The following RGPD8 variants were observed in gnomAD, a reference collection of about 807,000 sequenced individuals.
RGPD8 encodes the protein RANBP2-like and GRIP domain-containing protein 8.
RGPD8 carries 15 observed loss-of-function variants against 89.1 expected under a neutral mutation model. The observed-to-expected ratio is 0.17, with a 90% CI of 0.11 to 0.26. The LOEUF is 0.26. RGPD8 is among the 10% of genes least tolerant of loss of function. RGPD8 has a pLI of 1.00. For missense variants in RGPD8, 178 were observed against 1,179.6 expected, an observed-to-expected ratio of 0.15 and a Z score of 12.44; for synonymous variants, 62 against 420.9, an observed-to-expected ratio of 0.15 and a Z score of 10.44.
At chr2:112,426,777 A>G (rs1399223056) in intron 1 of RGPD8, among the ~76,000 whole-genome samples, 4 of 150,974 alleles carry the variant, frequency 2.6e-5, no homozygotes, top group Non-Finnish European at 5.9e-5. Context: ...CAAAAATAAT[A>G]CACAACAGTC....
intron 17 of RGPD8, among the ~76,000 whole-genome samples, chr2:112,396,022 GAA>G (rs1678824124): frequency 7.4e-6 from 1 of 134,584 alleles, no homozygotes; most frequent in Admixed American, 7.7e-5. Context: ...GGTAAATTTT[GAA>G]AAGTTTCAAA....
intron 1 of RGPD8, among the ~76,000 whole-genome samples, chr2:112,426,021 C>G (rs1679754721): frequency 6.6e-6 from 1 of 151,910 alleles, no homozygotes; most frequent in Admixed American, 6.6e-5. Context: ...GGTGTCACAA[C>G]AAAACTAGCA....
chr2:112,432,779 A>T (rs1457343662), intron 1 of RGPD8, among the ~76,000 whole-genome samples: 2 of 152,022 alleles, frequency 1.3e-5, no homozygotes, highest in Admixed American at 1.3e-4. Context: ...AAACCGGGAG[A>T]AAGAGGAAGA....
chr2:112,428,214 G>A (rs1469420173), intron 1 of RGPD8, among the ~76,000 whole-genome samples: 4 of 152,084 alleles, frequency 2.6e-5, no homozygotes, highest in Non-Finnish European at 4.4e-5. Flanking sequence ...ATTAAGTAAA[G>A]ATGTTTTAAA....
intron 21 of RGPD8, among the ~76,000 whole-genome samples, chr2:112,380,162 G>C (rs1378405433): frequency 5.0e-5 from 7 of 140,160 alleles, no homozygotes; most frequent in African/African-American, 1.6e-4. Context: ...CCTGAAAACT[G>C]TTTAGTAGTT....
intron 7 of RGPD8, among the ~76,000 whole-genome samples, chr2:112,409,956 GACAC>G (rs1679100260): frequency 1.1e-5 from 1 of 93,856 alleles, no homozygotes; most frequent in Admixed American, 1.1e-4. Context: ...GACTCTAATA[GACAC>G]ACAGACAGAT....
intron 22 of RGPD8, among the ~76,000 whole-genome samples, chr2:112,370,780 A>T (rs1677943878): frequency 6.9e-6 from 1 of 145,400 alleles, no homozygotes; most frequent in South Asian, 2.2e-4. Context: ...GCTTTAAAAC[A>T]TTGATAAGCA....
At position 112,390,048 on chromosome 2, in the gene RGPD8, C is replaced by T. The variant is rs753243360; in HGVS notation, c.2897G>A (p.Ser966Asn). ...KGRGVIFGQT[S>N]STFTFADVAK... ...AACATCTGCAAATGTAAAAGTGCTA[C>T]TTGTTTGGCCAAAAATCACACCACG... The change falls in exon 20 of 23, where the codon AGT becomes AAT. Residue 966 changes from serine (S) to asparagine (N), a missense_variant. Physicochemically the swap from Ser to Asn is conservative, Grantham distance 46. Transcript: ENST00000302558. 3 of 1,576,600 alleles carry T rather than the reference C, an allele frequency of 1.9e-6. No individual in the cohort carries two copies. Among genetic ancestry groups the T allele is most frequent in the African/African-American group, 2.8e-5 (2 of 71,898 alleles).
intron 22 of RGPD8, among the ~76,000 whole-genome samples, chr2:112,371,926 T>C (rs1677977114): frequency 6.6e-6 from 1 of 150,394 alleles, no homozygotes; most frequent in Admixed American, 6.7e-5. Context: ...TGTCTGGTTT[T>C]ATCTGCGTGT....
At chr2:112,410,721 T>C (rs1374289310) in intron 7 of RGPD8, among the ~76,000 whole-genome samples, 9 of 151,260 alleles carry the variant, frequency 6.0e-5, no homozygotes, top group Admixed American at 5.9e-4. Context: ...CAGGTTGCAG[T>C]GAGCTGAGAT....
intron 1 of RGPD8, among the ~76,000 whole-genome samples, chr2:112,428,695 A>C (rs1210468173): frequency 6.6e-6 from 1 of 152,124 alleles, no homozygotes; most frequent in Non-Finnish European, 1.5e-5. Context: ...TTCCAGGTAG[A>C]CAGACAATCA....
At chr2:112,408,718 G>A (rs1415621298) in intron 7 of RGPD8, among the ~76,000 whole-genome samples, 3 of 151,616 alleles carry the variant, frequency 2.0e-5, no homozygotes, top group Non-Finnish European at 3.0e-5. Flanking sequence ...CGCCAGGCTG[G>A]AGTGCTGCAG....
chr2:112,425,839 T>G (rs1168254080), intron 1 of RGPD8, among the ~76,000 whole-genome samples: 2 of 152,044 alleles, frequency 1.3e-5, no homozygotes, highest in Non-Finnish European at 2.9e-5. Flanking sequence ...AAACATCTTA[T>G]TTTTGAAATT....
At chr2:112,432,470 G>A in intron 1 of RGPD8, 5 of 985,104 alleles carry the variant, frequency 5.1e-6, no homozygotes, top group Non-Finnish European at 6.0e-6. Flanking sequence ...CAAAACAAGG[G>A]GACTTTCCGT....
intron 1 of RGPD8, among the ~76,000 whole-genome samples, chr2:112,429,641 A>G (rs1429288366): frequency 6.6e-6 from 1 of 152,078 alleles, no homozygotes; most frequent in Non-Finnish European, 1.5e-5. Context: ...GATGAGCAAC[A>G]CAGCAAGACC....
chr2:112,399,384 CT>C lies in RGPD8; in HGVS notation c.2056-16del. On this transcript the variant is annotated splice_polypyrimidine_tract_variant and intron_variant, in intron 14 of 22. Transcript: ENST00000302558. ...CTGTGAAAAATCTATACAAATAGTG[CT>C]TTCATGAAATCATTAGCTTTTTAAA... 1.1e-5 allele frequency: 3 copies of C among 263,568 alleles called. No homozygotes were observed. Among genetic ancestry groups the C allele is most frequent in the Middle Eastern group, 8.5e-4 (1 of 1,178 alleles). The allele number at this position is 263,568 out of a possible 1,614,324, so 16.3% of individuals were successfully genotyped here.
At chr2:112,429,155 T>C (rs1260315806) in intron 1 of RGPD8, among the ~76,000 whole-genome samples, 2 of 151,668 alleles carry the variant, frequency 1.3e-5, no homozygotes, top group Non-Finnish European at 2.9e-5. Context: ...GCGCGGTGGC[T>C]CACGCCTGTA....
At chr2:112,372,270 A>G (rs539762862) in intron 22 of RGPD8, among the ~76,000 whole-genome samples, 100 of 1,332 alleles carry the variant, frequency 0.075, 10 homozygotes, top group South Asian at 0.12. Context: ...AGAAGCCACA[A>G]TCTCTTGTAA....
intron 7 of RGPD8, among the ~76,000 whole-genome samples, chr2:112,409,011 T>C (rs375127255): frequency 1.4e-5 from 2 of 139,504 alleles, no homozygotes; most frequent in South Asian, 2.4e-4. Context: ...GATACTTTGT[T>C]AACTACCTAG....
Sources: gnomAD v4.1 joint callset for allele counts (sites outside exome capture counted in the v4.1 genomes callset) on GRCh38, gnomAD v4.1.1 for gene constraint, MANE v1.5 for transcripts, NCBI Gene and HGNC (gene_info 2026-07-23, HGNC 2026-07-21) for gene names.